Variants in LRP1B observed in about 807,000 individuals in gnomAD.
LRP1B encodes LDL receptor related protein 1B.
A neutral mutation model predicts 556.6 loss-of-function variants in LRP1B; 217 were observed. That is an observed-to-expected ratio of 0.39 (90% CI 0.35 to 0.44). The LOEUF (loss-of-function observed/expected upper bound fraction) is 0.44. Among genes scored for constraint, LRP1B ranks in the 20% least tolerant of loss-of-function variants. LRP1B has a pLI of 1.00. For missense variants in LRP1B, 5,053 were observed against 5,620.8 expected (o/e 0.90, Z 3.23); for synonymous variants, 2,047 against 1,865.8 (o/e 1.10, Z -2.50).
intron 14 of LRP1B, among the ~76,000 whole-genome samples, chr2:141,010,229 C>G (rs1697701662): frequency 6.6e-6 from 1 of 151,808 alleles, no homozygotes; most frequent in Non-Finnish European, 1.5e-5. Context: ...TGCTTTTGAA[C>G]CTAGAAAATA....
intron 1 of LRP1B, among the ~76,000 whole-genome samples, chr2:141,907,982 G>A (rs1326593798): frequency 6.6e-6 from 1 of 151,938 alleles, no homozygotes; most frequent in Non-Finnish European, 1.5e-5. Flanking sequence ...TGGCTAAATG[G>A]TGAGCTTAGA....
At chr2:141,463,168 T>C (rs1681980559) in intron 3 of LRP1B, among the ~76,000 whole-genome samples, 1 of 152,152 alleles carries the variant, frequency 6.6e-6, no homozygotes, top group African/African-American at 2.4e-5. Flanking sequence ...AGTACTTTGG[T>C]TGAATGCAGT....
chr2:140,972,720 A>ATAGTTTGAC (rs1439370859), intron 18 of LRP1B, among the ~76,000 whole-genome samples: 3 of 151,714 alleles, frequency 2.0e-5, no homozygotes, highest in Non-Finnish European at 2.9e-5. Context: ...TGTTAAAACA[A>ATAGTTTGAC]TAGTTTGTCA....
In LRP1B at chr2:140,239,539, A is replaced by G; in HGVS notation, c.13325-7T>C. On this transcript the variant is annotated splice_region_variant and splice_polypyrimidine_tract_variant and intron_variant, in intron 87 of 90. Coordinates refer to ENST00000389484, the MANE Select transcript of LRP1B (RefSeq NM_018557.3). ...ACAATGATGGCAATGCTTCCTGGAA[A>G]ATAAATGAGTGAATAGATGAAGAAA... The G allele has an allele frequency of 6.4e-7, 1 of 1,571,998 alleles. No homozygotes were observed. The highest frequency in any genetic ancestry group is 8.7e-7 in the Non-Finnish European group (1 of 1,146,284).
intron 66 of LRP1B, among the ~76,000 whole-genome samples, chr2:140,386,488 G>T (rs1318375663): frequency 1.3e-5 from 2 of 152,120 alleles, no homozygotes; most frequent in African/African-American, 4.8e-5. Context: ...GTGATTAGTT[G>T]TTCTTTCTAA....
intron 52 of LRP1B, among the ~76,000 whole-genome samples, 185 bp from the exon 53 acceptor site, chr2:140,507,103 T>A (rs1289155398): frequency 6.6e-6 from 1 of 152,194 alleles, no homozygotes; most frequent in Non-Finnish European, 1.5e-5. Context: ...TATTAGAATG[T>A]CTGAATATAA....
chr2:141,491,794 A>G (rs1304255612), intron 2 of LRP1B, among the ~76,000 whole-genome samples: 1 of 152,154 alleles, frequency 6.6e-6, no homozygotes, highest in Non-Finnish European at 1.5e-5. Flanking sequence ...CTGTGCACAC[A>G]GAGATATTGC....
At chr2:140,508,223 C>T (rs930687316) in intron 52 of LRP1B, among the ~76,000 whole-genome samples, 1 of 152,026 alleles carries the variant, frequency 6.6e-6, no homozygotes, top group African/African-American at 2.4e-5. Flanking sequence ...CTTTCTTTGT[C>T]CCTCAAGACT....
intron 1 of LRP1B, among the ~76,000 whole-genome samples, chr2:141,840,420 C>A (rs759939115): frequency 6.6e-6 from 1 of 151,774 alleles, no homozygotes; most frequent in Non-Finnish European, 1.5e-5. Flanking sequence ...CCCGCCACTA[C>A]GCCCAGCTAA....
intron 7 of LRP1B, among the ~76,000 whole-genome samples, chr2:141,126,669 C>A (rs1488646456): frequency 1.3e-5 from 2 of 152,060 alleles, no homozygotes; most frequent in Non-Finnish European, 2.9e-5. Context: ...TTTCTTCACC[C>A]AAGATCATAT....
At chr2:141,174,381 C>T (rs1302844559) in intron 7 of LRP1B, among the ~76,000 whole-genome samples, 1 of 152,030 alleles carries the variant, frequency 6.6e-6, no homozygotes, top group Non-Finnish European at 1.5e-5. Flanking sequence ...ACCCAAATCT[C>T]ACATGGAATT....
At chr2:140,578,060 T>C (rs1681604421) in intron 43 of LRP1B, among the ~76,000 whole-genome samples, 1 of 152,216 alleles carries the variant, frequency 6.6e-6, no homozygotes, top group Non-Finnish European at 1.5e-5. Flanking sequence ...TCAGCTTAAA[T>C]GTTCATGATG....
chr2:140,773,819 TTAAATA>T (rs1257448996), intron 33 of LRP1B, among the ~76,000 whole-genome samples: 2 of 151,838 alleles, frequency 1.3e-5, no homozygotes, highest in Non-Finnish European at 2.9e-5. Context: ...TCTTTTTCTG[TTAAATA>T]TAAAGTAGAA....
At chr2:141,455,971 A>G (rs1311673795) in intron 3 of LRP1B, among the ~76,000 whole-genome samples, 1 of 152,232 alleles carries the variant, frequency 6.6e-6, no homozygotes, top group Non-Finnish European at 1.5e-5. Flanking sequence ...GAGAAAATCA[A>G]GGTTTGAGGC....
chr2:141,269,762 T>C (rs1485583003), intron 3 of LRP1B, among the ~76,000 whole-genome samples: 1 of 152,166 alleles, frequency 6.6e-6, no homozygotes, highest in Non-Finnish European at 1.5e-5. Context: ...GAAATAGCAA[T>C]GTGCGACCCA....
At chr2:141,797,297 T>G (rs1049671220) in intron 2 of LRP1B, among the ~76,000 whole-genome samples, 4 of 151,104 alleles carry the variant, frequency 2.6e-5, no homozygotes, top group Non-Finnish European at 5.9e-5. Flanking sequence ...GCTCACTGTA[T>G]GCAGAACAAT....
chr2:140,682,056 G>A (rs1685877850), intron 41 of LRP1B, among the ~76,000 whole-genome samples: 1 of 152,144 alleles, frequency 6.6e-6, no homozygotes, highest in African/African-American at 2.4e-5. Context: ...ATGCATGTTT[G>A]TTGTCTTAAT....
intron 3 of LRP1B, among the ~76,000 whole-genome samples, chr2:141,398,638 T>C (rs1202069663): frequency 6.6e-6 from 1 of 152,192 alleles, no homozygotes; most frequent in Non-Finnish European, 1.5e-5. Flanking sequence ...TAAGTAGCCA[T>C]GGCAGATAAA....
chr2:141,130,703 ATAG>A (rs1428123716), intron 7 of LRP1B, among the ~76,000 whole-genome samples: 1 of 152,184 alleles, frequency 6.6e-6, no homozygotes, highest in Non-Finnish European at 1.5e-5. Flanking sequence ...AGATTAATAA[ATAG>A]TAGTACACAA....
Sources: gnomAD v4.1 joint callset for allele counts (sites outside exome capture counted in the v4.1 genomes callset) on GRCh38, gnomAD v4.1.1 for gene constraint, MANE v1.5 for transcripts, NCBI Gene and HGNC (gene_info 2026-07-23, HGNC 2026-07-21) for gene names.